The following DPP6 variants were observed in gnomAD, a reference collection of about 807,000 sequenced individuals.
DPP6 encodes A-type potassium channel modulatory protein DPP6.
Under a neutral mutation model 122.6 loss-of-function variants are expected in DPP6, and 69 were observed. That is an observed-to-expected ratio of 0.56 (90% CI 0.46 to 0.69). DPP6 has a LOEUF of 0.69. DPP6 is among the 30% of genes least tolerant of loss of function. The pLI is 0.00. For synonymous variants in DPP6, 418 were observed against 433.1 expected (o/e 0.97, Z 0.43); for missense variants, 928 against 1,116.9 (o/e 0.83, Z 2.41).
At chr7:154,742,437 A>G (rs1443091887) in intron 8 of DPP6, among the ~76,000 whole-genome samples, 1 of 152,252 alleles carries the variant, frequency 6.6e-6, no homozygotes, top group African/African-American at 2.4e-5. Context: ...CTGCAGAAAC[A>G]TGAAAATTAG....
chr7:154,663,443 G>A (rs1442930520), intron 6 of DPP6, among the ~76,000 whole-genome samples: 4 of 44,684 alleles, frequency 9.0e-5, no homozygotes, highest in African/African-American at 1.7e-4. Flanking sequence ...TGGCCATAGT[G>A]TTCATATAGT....
chr7:154,740,370 A>G (rs1842763018), intron 8 of DPP6, among the ~76,000 whole-genome samples: 1 of 151,024 alleles, frequency 6.6e-6, no homozygotes. Context: ...TGAGAGTTTT[A>G]CTAAAATGCA....
In DPP6 at chr7:154,727,671, A is replaced by G. The variant is rs962245975; in HGVS notation, c.763-96A>G. 3 of 1,453,362 alleles carry G rather than the reference A, an allele frequency of 2.1e-6. No homozygotes were observed. In the African/African-American group the frequency reaches 4.3e-5, roughly 21 times the overall value. 90.0% of individuals were successfully genotyped at this position (1,453,362 alleles called of 1,614,324 possible). On this transcript the variant is annotated intron_variant, in intron 7 of 25. Coordinates refer to ENST00000377770, the MANE Select transcript of DPP6 (RefSeq NM_130797.4). ...TCTGTCTAATAAATACAACAGGAAA[A>G]TGAAAACCCGGTTGATGATTTCAGA...
chr7:153,896,675 T>C (rs1298957344), intron 1 of DPP6, among the ~76,000 whole-genome samples: 4 of 152,160 alleles, frequency 2.6e-5, no homozygotes, highest in Admixed American at 1.3e-4. Context: ...GAAGTTGATA[T>C]TATATTATGT....
At chr7:154,146,448 G>T (rs1186009044) in intron 1 of DPP6, among the ~76,000 whole-genome samples, 1 of 151,516 alleles carries the variant, frequency 6.6e-6, no homozygotes, top group Non-Finnish European at 1.5e-5. Context: ...TTTAGCTGGA[G>T]ATTCTTACAT....
chr7:153,995,292 A>C lies in DPP6; in HGVS notation c.51+107558A>C, dbSNP rs1339869234. 2.6e-5 allele frequency among the ~76,000 whole-genome samples: 4 copies of C among 152,202 alleles called. No individual in the cohort carries two copies. The East Asian group carries it at 7.7e-4, about 29-fold the overall frequency. Reference sequence around the variant, plus strand: ...ACAGTTTATCCCATGAGTTCTTTTAAGAAGGAATGAAGGGCTGGGCGCGGT... The same window carrying C: ...ACAGTTTATCCCATGAGTTCTTTTACGAAGGAATGAAGGGCTGGGCGCGGT... On this transcript the variant is annotated intron_variant, in intron 1 of 25. Transcript: ENST00000404039.
At chr7:153,989,992 C>G (rs1362318545) in intron 1 of DPP6, among the ~76,000 whole-genome samples, 2 of 134,604 alleles carry the variant, frequency 1.5e-5, no homozygotes, top group South Asian at 5.7e-4. Context: ...CACCCCCCTG[C>G]CAGCCTTGCC....
the DPP6 span, among the ~76,000 whole-genome samples, chr7:153,819,524 G>A: frequency 6.6e-6 from 1 of 152,086 alleles, no homozygotes; most frequent in East Asian, 1.9e-4. Flanking sequence ...AGCCAAGTTT[G>A]CATGGCACAC....
chr7:153,927,223 G>A (rs1354217815), intron 1 of DPP6, among the ~76,000 whole-genome samples: 1 of 152,190 alleles, frequency 6.6e-6, no homozygotes, highest in Non-Finnish European at 1.5e-5. Flanking sequence ...TGAGGTGGGA[G>A]GATCACTTGA....
At chr7:154,135,324 A>G (rs58395657) in intron 1 of DPP6, among the ~76,000 whole-genome samples, 8 of 145,882 alleles carry the variant, frequency 5.5e-5, no homozygotes, top group African/African-American at 1.8e-4. Flanking sequence ...TGCACTTCCT[A>G]TAAGCCCACA....
intron 1 of DPP6, among the ~76,000 whole-genome samples, chr7:154,306,997 G>A (rs1174215354): frequency 2.6e-5 from 4 of 152,120 alleles, no homozygotes; most frequent in African/African-American, 4.8e-5. Flanking sequence ...GTAAGTGTGC[G>A]ATGGGCTTTC....
At chr7:154,663,737 G>T (rs1479916528) in intron 6 of DPP6, among the ~76,000 whole-genome samples, 1 of 77,234 alleles carries the variant, frequency 1.3e-5, no homozygotes, top group Non-Finnish European at 3.1e-5. Flanking sequence ...TCACCATGGC[G>T]TATCGGCCGT....
At chr7:154,049,099 T>C (rs533050716), upstream of DPP6, among the ~76,000 whole-genome samples, 1 of 151,382 alleles carries the variant, frequency 6.6e-6, no homozygotes, top group Admixed American at 6.6e-5. Flanking sequence ...CATTAAATAA[T>C]TTGCAAAATA....
intron 1 of DPP6, among the ~76,000 whole-genome samples, chr7:153,907,967 C>T (rs1799918915): frequency 6.7e-6 from 1 of 149,934 alleles, no homozygotes; most frequent in African/African-American, 2.5e-5. Context: ...GAAATAGACA[C>T]AGATTTGTTT....
At chr7:154,651,213 G>A (rs913271516) in intron 6 of DPP6, among the ~76,000 whole-genome samples, 1 of 152,070 alleles carries the variant, frequency 6.6e-6, no homozygotes, top group Non-Finnish European at 1.5e-5. Flanking sequence ...GTGGATTTGA[G>A]GGGTCAGAGG....
At chr7:154,778,908 A>G (rs1048292830) in intron 10 of DPP6, among the ~76,000 whole-genome samples, 1 of 147,340 alleles carries the variant, frequency 6.8e-6, no homozygotes, top group African/African-American at 2.5e-5. Flanking sequence ...CATCACCACC[A>G]CCACCTCTGT....
intron 8 of DPP6, among the ~76,000 whole-genome samples, chr7:154,768,068 T>G (rs970924486): frequency 2.0e-5 from 3 of 152,216 alleles, no homozygotes; most frequent in African/African-American, 7.2e-5. Flanking sequence ...CCTTAGAGCC[T>G]GGCTCCTGCT....
At chr7:153,856,134 C>A in the DPP6 span, among the ~76,000 whole-genome samples, 2 of 152,146 alleles carry the variant, frequency 1.3e-5, no homozygotes, top group Non-Finnish European at 2.9e-5. Flanking sequence ...AATGAGGCAC[C>A]TCACTGAAGG....
intron 8 of DPP6, among the ~76,000 whole-genome samples, chr7:154,736,500 C>T (rs1038119223): frequency 2.6e-5 from 4 of 152,148 alleles, no homozygotes; most frequent in Admixed American, 2.0e-4. Flanking sequence ...AACACAAAAC[C>T]AATTCTTAGC....
Sources: allele counts gnomAD v4.1 joint callset (sites outside exome capture counted in the v4.1 genomes callset), GRCh38; gene constraint gnomAD v4.1.1; transcripts MANE v1.5; gene names NCBI Gene and HGNC (gene_info 2026-07-23, HGNC 2026-07-21).